PIEZO2: variants seen among roughly 807,000 people sequenced by gnomAD.
PIEZO2 encodes the protein piezo-type mechanosensitive ion channel component 2.
A neutral mutation model predicts 337.3 loss-of-function variants in PIEZO2; 172 were observed. The ratio of observed to expected loss-of-function variants is 0.51; its 90% CI spans 0.45 to 0.58. PIEZO2 has a LOEUF of 0.58. PIEZO2 is among the 20% of genes least tolerant of loss of function. The pLI, the probability that PIEZO2 is intolerant of heterozygous loss-of-function variation, is 0.00. For synonymous variants in PIEZO2, 1,251 were observed against 1,228.5 expected (o/e 1.02, Z -0.38); for missense variants, 3,028 against 3,391.3 (o/e 0.89, Z 2.66).
chr18:10,996,157 A>T (rs2035312518), intron 2 of PIEZO2, among the ~76,000 whole-genome samples: 1 of 152,240 alleles, frequency 6.6e-6, no homozygotes, highest in Non-Finnish European at 1.5e-5. Context: ...AGCATAAGAA[A>T]AGGAGAAATA....
At chr18:10,958,497 A>G (rs139637337) in intron 3 of PIEZO2, among the ~76,000 whole-genome samples, 1 of 152,296 alleles carries the variant, frequency 6.6e-6, no homozygotes, top group African/African-American at 2.4e-5. Flanking sequence ...AAGTAATAAT[A>G]ATGTATTATA....
intron 14 of PIEZO2, among the ~76,000 whole-genome samples, chr18:10,790,133 T>C (rs916481916): frequency 6.6e-6 from 1 of 152,194 alleles, no homozygotes; most frequent in Non-Finnish European, 1.5e-5. Context: ...ACTGGTTAAT[T>C]TAATCACTAT....
chr18:10,740,060 G>C (rs1192274039), intron 33 of PIEZO2: 1 of 144,396 alleles, frequency 6.9e-6, no homozygotes, highest in African/African-American at 2.7e-5. Flanking sequence ...TGTCCAGTTA[G>C]ATTAGCTGCA....
chr18:10,720,234 G>GCGTATATATATATATATATATATA lies in PIEZO2; in HGVS notation c.5030-1976_5030-1975insTATATATATATATATATATATACG, dbSNP rs1555631512. On this transcript the variant is annotated intron_variant, in intron 36 of 55. Transcript: ENST00000674853. ...TATATATGAATATATGTGTGTGTGT[G>GCGTATATATATATATATATATATA]TATATATATATATATGGAGCCCAGG... Among the ~76,000 whole-genome samples, 233 of 119,894 alleles carry GCGTATATATATATATATATATATA rather than the reference G, an allele frequency of 1.9e-3. 14 individuals are homozygous for GCGTATATATATATATATATATATA. Among genetic ancestry groups the GCGTATATATATATATATATATATA allele is most frequent in the African/African-American group, 7.6e-3 (227 of 29,894 alleles). The allele number at this position is 119,894 out of a possible 152,430, so 78.7% of individuals were successfully genotyped here.
rs2036134011 is a variant in PIEZO2, at chr18:11,016,898, C to T, written c.161-37238G>A. Among the ~76,000 whole-genome samples, 2 of 152,092 alleles carry T rather than the reference C, an allele frequency of 1.3e-5. No homozygotes were observed. The highest frequency in any genetic ancestry group is 1.5e-5 in the Non-Finnish European group (1 of 68,024). On this transcript the variant is annotated intron_variant, in intron 2 of 55. Coordinates refer to ENST00000674853, the MANE Select transcript of PIEZO2 (RefSeq NM_001378183.1). The surrounding 1 kb of genome is among the most constrained non-coding windows in gnomAD (Gnocchi z 5.6). ...CTGCAATTGTTTATTTCATTATTTA[C>T]TTGGTCCTGCTGATGTTTAAACATG...
intron 5 of PIEZO2, among the ~76,000 whole-genome samples, chr18:10,865,754 G>T (rs554451928): frequency 6.6e-6 from 1 of 152,308 alleles, no homozygotes; most frequent in Admixed American, 6.5e-5. Context: ...AAAGTAGTAC[G>T]AAGAAGTGAC....
chr18:10,699,861 G>A (rs968777473), intron 43 of PIEZO2, among the ~76,000 whole-genome samples: 1 of 152,126 alleles, frequency 6.6e-6, no homozygotes, highest in Non-Finnish European at 1.5e-5. Flanking sequence ...GAGCTCTTTG[G>A]CCACGCATTT....
In PIEZO2 at chr18:10,782,435, A is replaced by ATAATATATTATAATTATATATAAATAAT. The variant is rs1238936625; in HGVS notation, c.2493-2070_2493-2069insATTATTTATATATAATTATAATATATTA. Among the ~76,000 whole-genome samples the ATAATATATTATAATTATATATAAATAAT allele has an allele frequency of 1.0e-3, 46 of 45,568 alleles. 1 individual carries two copies. The highest frequency in any genetic ancestry group is 2.1e-3 in the Non-Finnish European group (39 of 18,984). The allele number at this position is 45,568 out of a possible 152,430, so 29.9% of individuals were successfully genotyped here. A position where few individuals can be genotyped will look rare whatever the true frequency, so the allele number is the denominator to read the frequency against. On this transcript the variant is annotated intron_variant, in intron 17 of 55. Coordinates refer to ENST00000674853, the MANE Select transcript of PIEZO2 (RefSeq NM_001378183.1). ...ATATTATAATTATATATAAATAATT[A>ATAATATATTATAATTATATATAAATAAT]TATAATATATTATATAGTATATATA...
chr18:10,832,327 A>AG (rs1446964178), intron 7 of PIEZO2, among the ~76,000 whole-genome samples: 6 of 152,126 alleles, frequency 3.9e-5, no homozygotes, highest in South Asian at 2.1e-4. Flanking sequence ...ATTTAGGGGA[A>AG]GGGGGGGATA....
At chr18:10,754,101 A>G (rs749757311) in intron 27 of PIEZO2, among the ~76,000 whole-genome samples, 12 of 152,186 alleles carry the variant, frequency 7.9e-5, no homozygotes, top group Non-Finnish European at 1.8e-4. Flanking sequence ...ACAGCAGTCA[A>G]TTCCTGCTTT....
At chr18:10,946,286 C>T (rs2033018401) in intron 3 of PIEZO2, among the ~76,000 whole-genome samples, 1 of 151,934 alleles carries the variant, frequency 6.6e-6, no homozygotes, top group South Asian at 2.1e-4. Context: ...TGTATCAGAA[C>T]CAATGAAGTG....
rs758006100 is a variant in PIEZO2 at position 10,689,774 on chromosome 18, G to T, written c.7378C>A (p.Leu2460Met). ...CACACCCAGTCCATCACTGCCCTCA[G>T]CTCAGTCAAAAAGGGCACGAGGCGA... ...GFRLVPFLTE[L>M]RAVMDWVWTD... is the part of the protein sequence containing the mutation. Residue 2460 changes from leucine to methionine, a missense_variant, in exon 49 of 56, where the codon CTG (leucine) becomes ATG (methionine). Coordinates refer to ENST00000674853, the MANE Select transcript of PIEZO2 (RefSeq NM_001378183.1). The T allele has an allele frequency of 2.5e-6, 4 of 1,612,984 alleles. No individual in the cohort carries two copies. Among genetic ancestry groups the T allele is most frequent in the Non-Finnish European group, 3.4e-6 (4 of 1,179,488 alleles).
At chr18:11,025,039 C>G (rs7243165) in intron 2 of PIEZO2, among the ~76,000 whole-genome samples, 1 of 151,750 alleles carries the variant, frequency 6.6e-6, no homozygotes, top group Non-Finnish European at 1.5e-5. Flanking sequence ...GCATTTTACA[C>G]GGAAGCATTT....
chr18:11,142,948 A>G (rs947580556), intron 1 of PIEZO2, among the ~76,000 whole-genome samples: 6 of 151,938 alleles, frequency 3.9e-5, no homozygotes, highest in South Asian at 2.1e-4. Flanking sequence ...GTGTGGTGGC[A>G]CGCACCTGTA....
rs2041870333 is a variant in PIEZO2 at position 10,861,457 on chromosome 18, T to A, written c.493-4246A>T. ...GGAAATCTTGTTATTTGCAACAACATGCATAAATCTAAAGAAGAATATGCT... is the reference window on the plus strand; with the variant it reads ...GGAAATCTTGTTATTTGCAACAACAAGCATAAATCTAAAGAAGAATATGCT... On this transcript the variant is annotated intron_variant, in intron 5 of 55. Coordinates refer to ENST00000674853, the MANE Select transcript of PIEZO2 (RefSeq NM_001378183.1). The surrounding 1 kb of genome is among the most constrained non-coding windows in gnomAD (Gnocchi z 4.3). Among the ~76,000 whole-genome samples, 1 of 152,210 alleles carries A rather than the reference T, an allele frequency of 6.6e-6. No individual in the cohort carries two copies. The highest frequency in any genetic ancestry group is 2.1e-4 in the South Asian group (1 of 4,830).
Position 10,705,743 on chromosome 18 carries a change from C to T in PIEZO2, c.5592G>A (p.Glu1864=), listed in dbSNP as rs529425847. 21 of 1,522,244 alleles carry T rather than the reference C, an allele frequency of 1.4e-5. No homozygotes were observed. In the African/African-American group the frequency reaches 2.2e-4, roughly 16 times the overall value. 94.3% of individuals were successfully genotyped at this position (1,522,244 alleles called of 1,614,324 possible). A position where few individuals can be genotyped will look rare whatever the true frequency, so the allele number is the denominator to read the frequency against. Residue 1864 remains glutamate (E), a synonymous_variant, in exon 41 of 56, where the codon GAG becomes GAA. Coordinates refer to ENST00000674853, the MANE Select transcript of PIEZO2 (RefSeq NM_001378183.1). ...AGTACAGCATGGTACACTGCGTGGGCTCGCTGTTGGGAGAAAGCGTGGGCA... is the reference window on the plus strand; with the variant it reads ...AGTACAGCATGGTACACTGCGTGGGTTCGCTGTTGGGAGAAAGCGTGGGCA... ...SADSGSLASS[E]PTQCTMLYSR...
At chr18:10,886,194 T>C (rs531894013) in intron 4 of PIEZO2, among the ~76,000 whole-genome samples, 5 of 148,504 alleles carry the variant, frequency 3.4e-5, no homozygotes, top group African/African-American at 1.3e-4. Flanking sequence ...ATTTTGCGCA[T>C]TTGTGTCAGA....
rs1286820184 is a variant in PIEZO2 at position 10,833,735 on chromosome 18, G to A, written c.917+21618C>T. ...CACTTTCTTCTTTCTAGTCAGCTTT[G>A]GGTCAAATATGTGTTTGTTCCCCAG... On this transcript the variant is annotated intron_variant, in intron 7 of 55. Transcript: ENST00000674853. This position sits in a 1 kb window ranked among gnomAD's most constrained non-coding sequence, Gnocchi z 4.7. 2.0e-5 allele frequency among the ~76,000 whole-genome samples: 3 copies of A among 152,130 alleles called. No homozygotes were observed. Among genetic ancestry groups the A allele is most frequent in the Non-Finnish European group, 4.4e-5 (3 of 68,026 alleles).
intron 30 of PIEZO2, among the ~76,000 whole-genome samples, chr18:10,747,347 C>T (rs940303342): frequency 5.3e-5 from 8 of 152,020 alleles, no homozygotes; most frequent in African/African-American, 1.7e-4. Context: ...TGTTTTCAAG[C>T]GGAAGTCATC....
Sources: gnomAD v4.1 joint callset for allele counts (sites outside exome capture counted in the v4.1 genomes callset) on GRCh38, gnomAD v4.1.1 for gene constraint, Gnocchi (gnomAD v3.1) non-coding constraint, MANE v1.5 for transcripts, NCBI Gene and HGNC (gene_info 2026-07-23, HGNC 2026-07-21) for gene names.